The following LRRTM3 variants were observed in gnomAD, a reference collection of about 807,000 sequenced individuals.
LRRTM3 encodes leucine rich repeat transmembrane neuronal 3, also known as leucine-rich repeat transmembrane neuronal protein 3.
A neutral mutation model predicts 44.7 loss-of-function variants in LRRTM3; 24 were observed. The observed-to-expected ratio is 0.54, with a 90% CI of 0.39 to 0.76. LRRTM3 has a LOEUF of 0.76. Among genes scored for constraint, LRRTM3 ranks in the 30% least tolerant of loss-of-function variants. The pLI, the probability that LRRTM3 is intolerant of heterozygous loss-of-function variation, is 0.00. For synonymous variants in LRRTM3, 277 were observed against 278.7 expected, an observed-to-expected ratio of 0.99 and a Z score of 0.06; for missense variants, 587 against 702.2, an observed-to-expected ratio of 0.84 and a Z score of 1.85.
chr10:66,952,932 T>A (rs902604547), intron 2 of LRRTM3, among the ~76,000 whole-genome samples: 4 of 152,130 alleles, frequency 2.6e-5, no homozygotes, highest in Non-Finnish European at 5.9e-5. Context: ...CCGTTCAGAA[T>A]GCAAGGTATC....
chr10:66,926,619 T>TAAAAACA (rs746377219), intron 1 of LRRTM3, 32 bp downstream of exon 1: 3 of 1,612,804 alleles, frequency 1.9e-6, no homozygotes, highest in Non-Finnish European at 2.5e-6. Flanking sequence ...CTTTCCTTCT[T>TAAAAACA]AAAAACAAAA....
At chr10:67,042,164 T>C (rs1015631000) in intron 2 of LRRTM3, among the ~76,000 whole-genome samples, 2 of 152,132 alleles carry the variant, frequency 1.3e-5, no homozygotes, top group Non-Finnish European at 2.9e-5. Flanking sequence ...GTTTTATGTA[T>C]ACATTAAAAA....
intron 2 of LRRTM3, among the ~76,000 whole-genome samples, chr10:66,999,008 A>C (rs774228523): frequency 1.3e-5 from 2 of 152,174 alleles, no homozygotes; most frequent in Non-Finnish European, 2.9e-5. Flanking sequence ...TGCATATAAG[A>C]CAATTAAATT....
chr10:67,067,286 T>C (rs1224084108), intron 2 of LRRTM3, among the ~76,000 whole-genome samples: 1 of 125,920 alleles, frequency 7.9e-6, no homozygotes, highest in Non-Finnish European at 1.7e-5. Context: ...ACAAATGGAA[T>C]AATTCAGTAA....
intron 1 of LRRTM3, 96 bp downstream of exon 1, chr10:66,926,683 A>G (rs1257059029): frequency 1.4e-6 from 2 of 1,395,594 alleles, no homozygotes; most frequent in East Asian, 2.3e-5. Context: ...TTTAGAGATT[A>G]CCTTGCTCTG....
chr10:66,932,098 G>C (rs975592098), intron 2 of LRRTM3, among the ~76,000 whole-genome samples: 1 of 152,076 alleles, frequency 6.6e-6, no homozygotes, highest in Non-Finnish European at 1.5e-5. Context: ...TTGCCTCAGC[G>C]CTTTCTCCCT....
At chr10:66,958,609 C>T (rs1235343974) in intron 2 of LRRTM3, among the ~76,000 whole-genome samples, 1 of 151,810 alleles carries the variant, frequency 6.6e-6, no homozygotes, top group African/African-American at 2.4e-5. Context: ...TAAATACTTA[C>T]AGAAAACAAA....
At chr10:66,967,716 T>C (rs1849513226) in intron 2 of LRRTM3, among the ~76,000 whole-genome samples, 1 of 152,026 alleles carries the variant, frequency 6.6e-6, no homozygotes, top group Non-Finnish European at 1.5e-5. Context: ...CTTAAGAAAA[T>C]TCTGAGGTGT....
chr10:66,971,000 C>A lies in LRRTM3; in HGVS notation c.1536+42548C>A, dbSNP rs78433839. Among the ~76,000 whole-genome samples the A allele has an allele frequency of 6.9e-3, 1,053 of 152,210 alleles. 15 individuals are homozygous for A. Among genetic ancestry groups the A allele is most frequent in the African/African-American group, 0.021 (875 of 41,498 alleles). On this transcript the variant is annotated intron_variant, in intron 2 of 2. Transcript: ENST00000361320. ...TTTTCTTTCCTTTCTTCTTTTCATGCAAGTTTATTTGCCTTTCTATGAGTA... is the reference window on the plus strand; with the variant it reads ...TTTTCTTTCCTTTCTTCTTTTCATGAAAGTTTATTTGCCTTTCTATGAGTA...
intron 2 of LRRTM3, among the ~76,000 whole-genome samples, chr10:67,061,184 T>C (rs1259276229): frequency 1.3e-5 from 2 of 152,192 alleles, no homozygotes; most frequent in East Asian, 1.9e-4. Flanking sequence ...TCCTCTATGA[T>C]ACCTGGCATA....
At chr10:67,058,948 A>T (rs1329854599) in intron 2 of LRRTM3, among the ~76,000 whole-genome samples, 6 of 152,234 alleles carry the variant, frequency 3.9e-5, no homozygotes, top group Non-Finnish European at 7.3e-5. Context: ...ATCACCAAAA[A>T]AAGGCAAGAA....
intron 2 of LRRTM3, among the ~76,000 whole-genome samples, chr10:67,062,780 C>T (rs896048756): frequency 1.3e-5 from 2 of 152,136 alleles, no homozygotes; most frequent in Non-Finnish European, 2.9e-5. Context: ...ATGAGGTACA[C>T]TTGCAAAAGA....
intron 2 of LRRTM3, among the ~76,000 whole-genome samples, chr10:66,946,360 G>T (rs1848274119): frequency 6.6e-6 from 1 of 152,152 alleles, no homozygotes; most frequent in Admixed American, 6.5e-5. Flanking sequence ...TTTAATATGT[G>T]AGAGACATTT....
At chr10:66,991,971 T>C (rs1000946658) in intron 2 of LRRTM3, among the ~76,000 whole-genome samples, 18 of 152,204 alleles carry the variant, frequency 1.2e-4, no homozygotes, top group Non-Finnish European at 2.4e-4. Flanking sequence ...GTCTTGGGTC[T>C]TCTTTCACCG....
intron 2 of LRRTM3, among the ~76,000 whole-genome samples, chr10:67,080,345 G>T (rs1007186070): frequency 6.6e-6 from 1 of 152,122 alleles, no homozygotes; most frequent in Non-Finnish European, 1.5e-5. Context: ...TGTTTACAAT[G>T]TAAGACAAAA....
intron 2 of LRRTM3, among the ~76,000 whole-genome samples, chr10:66,994,264 C>G (rs1480559482): frequency 2.0e-5 from 3 of 152,132 alleles, no homozygotes; most frequent in Non-Finnish European, 2.9e-5. Context: ...GGAAAATGCT[C>G]TCCAAGCTTT....
intron 2 of LRRTM3, among the ~76,000 whole-genome samples, chr10:66,950,574 G>A (rs1241879831): frequency 1.3e-5 from 2 of 151,712 alleles, no homozygotes; most frequent in Non-Finnish European, 2.9e-5. Flanking sequence ...ATAAAACATT[G>A]CATTTAATAT....
At chr10:66,943,674 T>C (rs969353844) in intron 2 of LRRTM3, among the ~76,000 whole-genome samples, 3 of 152,182 alleles carry the variant, frequency 2.0e-5, no homozygotes, top group African/African-American at 7.2e-5. Context: ...CATAGTTTTG[T>C]ACTTTTGTAC....
chr10:66,981,448 A>G (rs1850436651), intron 2 of LRRTM3, among the ~76,000 whole-genome samples: 1 of 152,034 alleles, frequency 6.6e-6, no homozygotes, highest in Non-Finnish European at 1.5e-5. Flanking sequence ...TGACTTACCC[A>G]TCCCCATTTC....
Sources: gnomAD v4.1 joint callset for allele counts (sites outside exome capture counted in the v4.1 genomes callset) on GRCh38, gnomAD v4.1.1 for gene constraint, MANE v1.5 for transcripts, NCBI Gene and HGNC (gene_info 2026-07-23, HGNC 2026-07-21) for gene names.